ANK3: variants seen among roughly 807,000 people sequenced by gnomAD.
The protein encoded by ANK3 is ankyrin-3.
ANK3 carries 57 observed loss-of-function variants against 370.9 expected under a neutral mutation model. The observed-to-expected ratio is 0.15, with a 90% CI of 0.12 to 0.19. The LOEUF (loss-of-function observed/expected upper bound fraction) is 0.19, where lower values mean the gene tolerates loss of function less well. Ranked by LOEUF, ANK3 falls within the 10% of genes least tolerant of loss-of-function variation. The pLI is 1.00. For synonymous variants in ANK3, 1,929 were observed against 1,946.3 expected (o/e 0.99, Z 0.23); for missense variants, 4,439 against 5,302.1 (o/e 0.84, Z 5.06).
At chr10:60,382,032 T>A (rs1465034943) in intron 1 of ANK3, among the ~76,000 whole-genome samples, 1 of 152,182 alleles carries the variant, frequency 6.6e-6, no homozygotes, top group African/African-American at 2.4e-5. Context: ...TTTCACTGTA[T>A]AGATGTCTTA....
chr10:60,374,798 A>AT (rs1311323568), intron 1 of ANK3, among the ~76,000 whole-genome samples: 2 of 152,310 alleles, frequency 1.3e-5, no homozygotes, highest in East Asian at 3.9e-4. Context: ...AAAATAAGAG[A>AT]TTCGTTGGTA....
At chr10:60,288,238 A>T (rs891212487) in intron 1 of ANK3, among the ~76,000 whole-genome samples, 6 of 152,094 alleles carry the variant, frequency 3.9e-5, no homozygotes, top group Admixed American at 3.9e-4. Flanking sequence ...CAGCTCAAAG[A>T]TCCCTTCATA....
At chr10:60,485,711 CT>C (rs2075330395) in intron 2 of ANK3, among the ~76,000 whole-genome samples, 1 of 152,168 alleles carries the variant, frequency 6.6e-6, no homozygotes, top group African/African-American at 2.4e-5. Context: ...GAGCGTGTGG[CT>C]TTCTTATTGT....
intron 42 of ANK3, among the ~76,000 whole-genome samples, chr10:60,053,228 A>G (rs2078448735): frequency 6.6e-6 from 1 of 152,240 alleles, no homozygotes; most frequent in Non-Finnish European, 1.5e-5. Flanking sequence ...GTGTTGACGA[A>G]AGAAAAGAAT....
At position 60,073,823 on chromosome 10, in the gene ANK3, T is replaced by C. The variant is rs1310474088; in HGVS notation, c.7058A>G (p.His2353Arg). Residue 2353 changes from histidine to arginine, a missense_variant, in exon 37 of 44, where the codon CAT (histidine) becomes CGT (arginine). This residue lies in a region of ANK3 where 1,601 missense variants were observed against 1,731.7 expected (regional missense o/e 0.92). Coordinates refer to ENST00000280772, the MANE Select transcript of ANK3 (RefSeq NM_020987.5). Reference protein sequence around the residue: ...TEVIIRETKKHPEKEMYVYQK... With the variant: ...TEVIIRETKKRPEKEMYVYQK... ...ATATACATACATTTCTTTTTCTGGA[T>C]GCTTTTTGGTTTCTCTAATAATGAC... The C allele has an allele frequency of 6.2e-7, 1 of 1,613,568 alleles. No individual in the cohort carries two copies. Among genetic ancestry groups the C allele is most frequent in the Admixed American group, 1.7e-5 (1 of 59,962 alleles).
At chr10:60,620,297 G>C (rs1471424239) in intron 1 of ANK3, among the ~76,000 whole-genome samples, 12 of 152,098 alleles carry the variant, frequency 7.9e-5, no homozygotes, top group Admixed American at 7.9e-4. Context: ...TATTATATTT[G>C]TGTGAAAATC....
At chr10:60,443,144 T>C (rs1480660907) in intron 2 of ANK3, among the ~76,000 whole-genome samples, 1 of 152,192 alleles carries the variant, frequency 6.6e-6, no homozygotes, top group Non-Finnish European at 1.5e-5. Flanking sequence ...GACTGTTAAT[T>C]GAAAAGTATT....
At position 60,072,889 on chromosome 10, in the gene ANK3, C is replaced by T; in HGVS notation, c.7992G>A (p.Glu2664=). 6.2e-7 allele frequency: 1 copy of T among 1,614,104 alleles called. No individual in the cohort carries two copies. Among genetic ancestry groups the T allele is most frequent in the Non-Finnish European group, 8.5e-7 (1 of 1,180,016 alleles). ...PDGQGFPKAE[E]KAPSLPSSPE... ...GGCTGCTGGGCAGACTGGGTGCCTT[C>T]TCCTCGGCCTTGGGGAAGCCTTGTC... Residue 2664 remains glutamate (E), a synonymous_variant, in exon 37 of 44, where the codon GAG becomes GAA. Coordinates refer to ENST00000280772, the MANE Select transcript of ANK3 (RefSeq NM_020987.5).
chr10:60,234,585 G>A, intron 8 of ANK3, 103 bp downstream of exon 8: 1 of 660,680 alleles, frequency 1.5e-6, no homozygotes, highest in Non-Finnish European at 2.7e-6. Context: ...ATAACAAATA[G>A]AACAGAAAAC....
In ANK3 at chr10:60,453,104, A is replaced by G. The variant is rs547774654; in HGVS notation, c.96+162082T>C. Among the ~76,000 whole-genome samples, 4 of 152,316 alleles carry G rather than the reference A, an allele frequency of 2.6e-5. No homozygotes were observed. In the South Asian group the frequency reaches 8.3e-4, roughly 32 times the overall value. On this transcript the variant is annotated intron_variant, in intron 2 of 43. Transcript: ENST00000373827. ...TGCACAGTGGAGTGGAAAGAACACA[A>G]TCTTTAGAAACAGACTTGAATTTGA...
At chr10:60,505,264 A>G (rs1420284603) in intron 2 of ANK3, among the ~76,000 whole-genome samples, 1 of 152,074 alleles carries the variant, frequency 6.6e-6, no homozygotes, top group Non-Finnish European at 1.5e-5. Flanking sequence ...CATAGTGTTA[A>G]TCAACATGAA....
rs768482269 is a variant in ANK3 at position 60,096,124 on chromosome 10, GATC to G, written c.3329-7769_3329-7767del. Among the ~76,000 whole-genome samples the G allele has an allele frequency of 2.0e-5, 3 of 152,134 alleles. No individual in the cohort carries two copies. In the East Asian group the frequency reaches 5.8e-4, roughly 29 times the overall value. On this transcript the variant is annotated intron_variant, in intron 28 of 43. Coordinates refer to ENST00000280772, the MANE Select transcript of ANK3 (RefSeq NM_020987.5). ...GGAGGTGGAGATTGCAGTGAGCCAA[GATC>G]ATGCCACTGCACTGCAGCCTGGGTG...
intron 2 of ANK3, among the ~76,000 whole-genome samples, chr10:60,511,919 C>A (rs1037858731): frequency 6.6e-6 from 1 of 151,690 alleles, no homozygotes; most frequent in African/African-American, 2.4e-5. Context: ...GGTCTCAATT[C>A]TTGATGTAAA....
intron 1 of ANK3, among the ~76,000 whole-genome samples, chr10:60,694,951 G>T (rs1430726521): frequency 8.8e-5 from 13 of 148,020 alleles, no homozygotes; most frequent in Non-Finnish European, 1.9e-4. Context: ...ACACAGACTG[G>T]CAAATTGGAT....
chr10:60,514,911 T>C (rs887391518), intron 2 of ANK3, among the ~76,000 whole-genome samples: 2 of 152,176 alleles, frequency 1.3e-5, no homozygotes, highest in Non-Finnish European at 2.9e-5. Flanking sequence ...ATGACAAATT[T>C]TATTGTAGAG....
At chr10:60,258,636 C>T (rs1330764482) in intron 7 of ANK3, among the ~76,000 whole-genome samples, 1 of 152,182 alleles carries the variant, frequency 6.6e-6, no homozygotes, top group African/African-American at 2.4e-5. Context: ...TGGAAAGGAA[C>T]ATCTATTGCA....
At chr10:60,637,961 C>T (rs1400770395) in intron 1 of ANK3, among the ~76,000 whole-genome samples, 1 of 152,146 alleles carries the variant, frequency 6.6e-6, no homozygotes, top group Admixed American at 6.6e-5. Flanking sequence ...GCCACACCCT[C>T]AATAGGTTGG....
Position 60,084,582 on chromosome 10 carries a change from T to C in ANK3, c.4074+20A>G, listed in dbSNP as rs1387971203. 1 of 1,600,798 alleles carries C rather than the reference T, an allele frequency of 6.2e-7. No homozygotes were observed. Among genetic ancestry groups the C allele is most frequent in the African/African-American group, 1.3e-5 (1 of 74,740 alleles). ...TCTGGAGTACGTAATGAAATGAACT[T>C]GTTTTTGTGAACAAGGTACCTCAAT... On this transcript the variant is annotated intron_variant, in intron 32 of 43. Coordinates refer to ENST00000280772, the MANE Select transcript of ANK3 (RefSeq NM_020987.5).
chr10:60,073,973 T>A lies in ANK3; in HGVS notation c.6908A>T (p.Asp2303Val). ...LFEHKSAVSP[D>V]VHKSAAETSA... ...GGTTTCAGCAGCAGACTTGTGAACA[T>A]CTGGAGACACTGCCGACTTATGTTC... The change falls in exon 37 of 44, where the codon GAT (aspartate) becomes GTT (valine). Residue 2303 changes from aspartate to valine, a missense_variant. Coordinates refer to ENST00000280772, the MANE Select transcript of ANK3 (RefSeq NM_020987.5). The A allele has an allele frequency of 6.2e-7, 1 of 1,614,040 alleles. No individual in the cohort carries two copies. Among genetic ancestry groups the A allele is most frequent in the Non-Finnish European group, 8.5e-7 (1 of 1,179,994 alleles).
Sources: gnomAD v4.1 joint callset for allele counts (sites outside exome capture counted in the v4.1 genomes callset) on GRCh38, gnomAD v4.1.1 for gene constraint, gnomAD v4.1.1 regional missense constraint, MANE v1.5 for transcripts, NCBI Gene and HGNC (gene_info 2026-07-23, HGNC 2026-07-21) for gene names.